Variants in FAT4 observed in about 807,000 individuals in gnomAD.
FAT4 encodes the protein protocadherin Fat 4.
FAT4 carries 84 observed loss-of-function variants against 303.9 expected under a neutral mutation model. The ratio of observed to expected loss-of-function variants is 0.28; its 90% confidence interval spans 0.23 to 0.33. The LOEUF (loss-of-function observed/expected upper bound fraction) is 0.33. Ranked by LOEUF, FAT4 falls within the 10% of genes least tolerant of loss-of-function variation. The probability of loss-of-function intolerance (pLI) is 1.00; values close to 1 mark genes in which losing one functional copy is unlikely to be tolerated. For synonymous variants in FAT4, 2,307 were observed against 2,298.8 expected (o/e 1.00, Z -0.10); for missense variants, 6,005 against 6,146.8 (o/e 0.98, Z 0.77).
chr4:125,371,710 CTTAA>C (rs1396699694), intron 2 of FAT4, among the ~76,000 whole-genome samples: 1 of 150,452 alleles, frequency 6.6e-6, no homozygotes, highest in African/African-American at 2.4e-5. Flanking sequence ...TCAATAATAT[CTTAA>C]TTAATATATA....
intron 7 of FAT4, among the ~76,000 whole-genome samples, chr4:125,433,618 T>G (rs550823555): frequency 7.2e-5 from 11 of 152,320 alleles, no homozygotes; most frequent in African/African-American, 2.4e-4. Flanking sequence ...ATGAATCATT[T>G]CACGTTACAT....
At chr4:125,432,091 T>A (rs1009804559) in intron 7 of FAT4, among the ~76,000 whole-genome samples, 2 of 152,174 alleles carry the variant, frequency 1.3e-5, no homozygotes, top group Non-Finnish European at 2.9e-5. Flanking sequence ...TGGCCAGTAG[T>A]GAAGGTCCCT....
intron 11 of FAT4, among the ~76,000 whole-genome samples, chr4:125,466,912 C>T (rs1726682965): frequency 6.6e-6 from 1 of 151,796 alleles, no homozygotes; most frequent in African/African-American, 2.4e-5. Flanking sequence ...GTAGCTGTGA[C>T]TGCAGGTGCC....
rs755584218 is a variant in FAT4 at position 125,452,799 on chromosome 4, C to T, written c.11789C>T (p.Thr3930Ile). Reference sequence around the variant, plus strand: ...GGAAGCTTCAACTGTGTTTGCAAAACTGGATACACAGGTATGACAACGTTT... The same window carrying T: ...GGAAGCTTCAACTGTGTTTGCAAAATTGGATACACAGGTATGACAACGTTT... ...FPGSFNCVCK[T>I]GYTGKMCESS... is the part of the protein sequence containing the mutation. The change falls in exon 10 of 18, where the codon ACT becomes ATT. Residue 3930 changes from threonine (T) to isoleucine (I), a missense_variant. Thr to Ile is a moderately conservative substitution (Grantham distance 89). Transcript: ENST00000394329. 3 of 1,610,732 alleles carry T rather than the reference C, an allele frequency of 1.9e-6. No homozygotes were observed. The highest frequency in any genetic ancestry group is 1.7e-6 in the Non-Finnish European group (2 of 1,178,102).
intron 2 of FAT4, among the ~76,000 whole-genome samples, chr4:125,336,527 AC>A (rs1404268019): frequency 1.3e-5 from 2 of 152,036 alleles, no homozygotes; most frequent in Non-Finnish European, 2.9e-5. Flanking sequence ...CAGAAGTGAG[AC>A]TTCAGAACAT....
At chr4:125,419,103 T>C (rs981327595) in intron 7 of FAT4, among the ~76,000 whole-genome samples, 4 of 152,202 alleles carry the variant, frequency 2.6e-5, no homozygotes, top group Admixed American at 2.6e-4. Context: ...AACTTTACTA[T>C]TCCTTCATGT....
chr4:125,382,261 A>G (rs1273935343), intron 2 of FAT4, among the ~76,000 whole-genome samples: 1 of 152,166 alleles, frequency 6.6e-6, no homozygotes, highest in African/African-American at 2.4e-5. Flanking sequence ...AGAAATCACT[A>G]TCTATGGCAG....
Position 125,319,839 on chromosome 4 carries a change from A to AGCAC in FAT4, c.3430_3431insACGC (p.Pro1144HisfsTer5). 6.2e-7 allele frequency: 1 copy of AGCAC among 1,614,208 alleles called. No homozygotes were observed. The stretch of plus-strand genomic sequence containing the variant: ...GTAAGGTATTCTTTTGAAATGGTGC[A>AGCAC]GCCAGATTTTGAGTTGCATGCCATC... On this transcript the variant is annotated frameshift_variant, in exon 2 of 18. Transcript: ENST00000394329. LOFTEE classifies it high-confidence loss of function.
chr4:125,382,496 A>C (rs1733578809), intron 2 of FAT4, among the ~76,000 whole-genome samples: 1 of 152,212 alleles, frequency 6.6e-6, no homozygotes, highest in African/African-American at 2.4e-5. Flanking sequence ...AGCGGGCTTA[A>C]GATATTCAGC....
intron 15 of FAT4, among the ~76,000 whole-genome samples, chr4:125,480,271 A>AGT (rs1727181577): frequency 6.6e-6 from 1 of 152,126 alleles, no homozygotes; most frequent in African/African-American, 2.4e-5. Context: ...CTCAACACTG[A>AGT]GATCAAAACA....
rs777160179 is a variant in FAT4, at chr4:125,408,582, T to C, written c.5708T>C (p.Leu1903Ser). 1 of 1,613,000 alleles carries C rather than the reference T, an allele frequency of 6.2e-7. No individual in the cohort carries two copies. The highest frequency in any genetic ancestry group is 8.5e-7 in the Non-Finnish European group (1 of 1,179,370). ...PITGVFNLTR[L>S]LDYEVQQYYI... The stretch of plus-strand genomic sequence containing the variant: ...ACTGGGGTCTTTAATTTGACTCGAT[T>C]ATTAGATTATGAAGTACAGCAATAT... Residue 1903 changes from leucine to serine, a missense_variant, in exon 5 of 18, where the codon TTA (leucine) becomes TCA (serine). Coordinates refer to ENST00000394329, the MANE Select transcript of FAT4 (RefSeq NM_001291303.3).
rs750042517 is a variant in FAT4 at position 125,320,232 on chromosome 4, A to G, written c.3821A>G (p.Asp1274Gly). The change falls in exon 2 of 18, where the codon GAC becomes GGC. Residue 1274 changes from aspartate (D) to glycine (G), a missense_variant. Coordinates refer to ENST00000394329, the MANE Select transcript of FAT4 (RefSeq NM_001291303.3). ...CAGGTAACACTAATTGGCAAATTAGACTATGAAGCAACACCTGCCTATTCC... is the reference window on the plus strand; with the variant it reads ...CAGGTAACACTAATTGGCAAATTAGGCTATGAAGCAACACCTGCCTATTCC... Reference protein sequence around the residue: ...SGQVTLIGKLDYEATPAYSLV... With the variant: ...SGQVTLIGKLGYEATPAYSLV... 5.6e-6 allele frequency: 9 copies of G among 1,614,130 alleles called. No homozygotes were observed. The highest frequency in any genetic ancestry group is 7.6e-6 in the Non-Finnish European group (9 of 1,179,954).
chr4:125,464,601 G>A lies in FAT4; in HGVS notation c.11905+934G>A, dbSNP rs534816859. ...TGTTACATATGTATACATGTGCCATGTTGGTTTGCTGCACCCATCAACTCG... is the reference window on the plus strand; with the variant it reads ...TGTTACATATGTATACATGTGCCATATTGGTTTGCTGCACCCATCAACTCG... On this transcript the variant is annotated intron_variant, in intron 11 of 17. Transcript: ENST00000394329. 4.7e-3 allele frequency among the ~76,000 whole-genome samples: 715 copies of A among 151,930 alleles called. 4 individuals carry two copies. Among genetic ancestry groups the A allele is most frequent in the Non-Finnish European group, 8.2e-3 (560 of 67,988 alleles).
chr4:125,478,866 C>G (rs1041748309), intron 14 of FAT4, among the ~76,000 whole-genome samples: 3 of 152,084 alleles, frequency 2.0e-5, no homozygotes, highest in African/African-American at 7.2e-5. Flanking sequence ...TAACTTTTCA[C>G]TTCTTGGCTC....
Position 125,326,479 on chromosome 4 carries a change from A to T in FAT4, c.5175+4893A>T, listed in dbSNP as rs534691640. Among the ~76,000 whole-genome samples, 8 of 152,206 alleles carry T rather than the reference A, an allele frequency of 5.3e-5. 1 individual carries two copies. In the East Asian group the frequency reaches 7.8e-4, roughly 15 times the overall value. ...AGTGCATTTTTAGGGATTTTATTTA[A>T]CCCATACAATACTAATATCATTTGC... On this transcript the variant is annotated intron_variant, in intron 2 of 17. Transcript: ENST00000394329.
intron 2 of FAT4, among the ~76,000 whole-genome samples, chr4:125,350,529 A>T (rs2125977456): frequency 6.6e-6 from 1 of 151,864 alleles, no homozygotes; most frequent in East Asian, 1.9e-4. Context: ...AAGACTAGGA[A>T]GGAAGTATGT....
chr4:125,444,338 G>A (rs1322776898), intron 8 of FAT4, among the ~76,000 whole-genome samples: 2 of 152,090 alleles, frequency 1.3e-5, no homozygotes, highest in Non-Finnish European at 2.9e-5. Context: ...AATCATGTGA[G>A]ACAGAGAGAG....
chr4:125,485,573 A>G (rs925842743), intron 16 of FAT4, among the ~76,000 whole-genome samples: 1 of 152,296 alleles, frequency 6.6e-6, no homozygotes, highest in African/African-American at 2.4e-5. Context: ...CACAGATGGA[A>G]CTGTCATCTC....
Position 125,487,361 on chromosome 4 carries a change from T to C in FAT4, c.12839T>C (p.Val4280Ala). 1 of 1,613,006 alleles carries C rather than the reference T, an allele frequency of 6.2e-7. No homozygotes were observed. Residue 4280 changes from valine to alanine, a missense_variant, in exon 17 of 18, where the codon GTA (valine) becomes GCA (alanine). By Grantham distance (64) the Val-to-Ala change is moderately conservative. Coordinates refer to ENST00000394329, the MANE Select transcript of FAT4 (RefSeq NM_001291303.3). ...YTTVKIKNGK[V>A]YFTSDAGIAG... ...GTTTTACAGATTAAGAATGGCAAAG[T>C]ATATTTTACATCCGATGCAGGAATT... is the stretch of plus-strand genomic sequence containing the variant.
Sources: allele counts gnomAD v4.1 joint callset (sites outside exome capture counted in the v4.1 genomes callset), GRCh38; gene constraint gnomAD v4.1.1; transcripts MANE v1.5; gene names NCBI Gene and HGNC (gene_info 2026-07-23, HGNC 2026-07-21).